RADIL: variants seen among roughly 807,000 people sequenced by gnomAD.
The protein encoded by RADIL is Rap associating with DIL domain.
In RADIL, 99 loss-of-function variants were observed where a neutral mutation model predicts 97.6. That is an observed-to-expected ratio of 1.01 (90% confidence interval 0.86 to 1.20). The LOEUF (loss-of-function observed/expected upper bound fraction) is 1.20. Ranked by LOEUF, RADIL falls within the 50% of genes most tolerant of loss-of-function variation. The pLI is 0.00. For missense variants in RADIL, 1,765 were observed against 1,498.9 expected (o/e 1.18, Z -2.93); for synonymous variants, 803 against 691.8 (o/e 1.16, Z -2.52).
Position 4,804,408 on chromosome 7 carries a change from G to A in RADIL, c.2291-654C>T, listed in dbSNP as rs117539383. 3.8e-4 allele frequency among the ~76,000 whole-genome samples: 58 copies of A among 152,350 alleles called. No homozygotes were observed. The East Asian group carries it at 0.011, about 28-fold the overall frequency. ...GCATCCAAGGCCCCATCGCCTCTGC[G>A]CCTCCCGCCATCCCGTACTCTGTTT... On this transcript the variant is annotated intron_variant, in intron 10 of 14. Coordinates refer to ENST00000399583, the MANE Select transcript of RADIL (RefSeq NM_018059.5).
Position 4,836,433 on chromosome 7 carries a change from G to A in RADIL, c.708C>T (p.Pro236=), listed in dbSNP as rs150209652. 0.02 allele frequency: 31,581 copies of A among 1,592,906 alleles called. 402 individuals are homozygous for A. The highest frequency in any genetic ancestry group is 0.03 in the Middle Eastern group (182 of 6,028). Residue 236 remains proline, a synonymous_variant, in exon 3 of 15, where the codon CCC becomes CCT. Transcript: ENST00000399583. ...LPAAAQGPEE[P]GPDAMRYSLY... is the part of the protein sequence containing the mutation. ...GCGAGTACCGCATGGCGTCGGGGCCGGGCTCCTCGGGGCCCTGGGCGGCAG... is the reference window on the plus strand; with the variant it reads ...GCGAGTACCGCATGGCGTCGGGGCCAGGCTCCTCGGGGCCCTGGGCGGCAG...
chr7:4,833,397 C>T (rs1484490403), intron 4 of RADIL, among the ~76,000 whole-genome samples: 2 of 152,192 alleles, frequency 1.3e-5, no homozygotes, highest in Admixed American at 1.3e-4. Flanking sequence ...ACACACACTA[C>T]AGGGACATCA....
intron 5 of RADIL, among the ~76,000 whole-genome samples, chr7:4,831,907 AAAG>A (rs1267462921): frequency 6.6e-6 from 1 of 151,644 alleles, no homozygotes; most frequent in African/African-American, 2.4e-5. Flanking sequence ...ACAAACAAAA[AAAG>A]AAGACCTCAC....
Position 4,801,918 on chromosome 7 carries a change from T to G in RADIL, c.2577A>C (p.Ala859=). The G allele has an allele frequency of 6.4e-7, 1 of 1,568,324 alleles. No individual in the cohort carries two copies. The highest frequency in any genetic ancestry group is 8.6e-7 in the Non-Finnish European group (1 of 1,158,798). The change falls in exon 12 of 15, where the codon GCA becomes GCC. Residue 859 remains alanine, a synonymous_variant. Transcript: ENST00000399583. ...TACGCTCCGGGGCCACTTCCCGGGC[T>G]GCTGGGCCAGGGTCCCTGGGAGCCA... ...CPLAPRDPGP[A]AREVAPERTL...
rs908102266 is a variant in RADIL at position 4,802,690 on chromosome 7, G to A, written c.2500-695C>T. ...GGGGCCCCCTCCCCGGGTACCTCGG[G>A]GCACGCTGGCTGGGTCCCCTCCCCA... On this transcript the variant is annotated intron_variant, in intron 11 of 14. Transcript: ENST00000399583. 6.1e-3 allele frequency among the ~76,000 whole-genome samples: 626 copies of A among 101,930 alleles called. 1 individual carries two copies. Among genetic ancestry groups the A allele is most frequent in the African/African-American group, 0.017 (384 of 23,050 alleles). 66.9% of individuals were successfully genotyped at this position (101,930 alleles called of 152,430 possible).
In RADIL at chr7:4,814,608, C is replaced by A. The variant is rs1008486372; in HGVS notation, c.2139+670G>T. On this transcript the variant is annotated intron_variant, in intron 9 of 14. Coordinates refer to ENST00000399583, the MANE Select transcript of RADIL (RefSeq NM_018059.5). The surrounding 1 kb of genome is among the most constrained non-coding windows in gnomAD (Gnocchi z 4.5). ...GCGAGGGAAGCAGGGAGGGGCATGTCGGTTTCCCATTGCCGTTGTGACAAA... is the reference window on the plus strand; with the variant it reads ...GCGAGGGAAGCAGGGAGGGGCATGTAGGTTTCCCATTGCCGTTGTGACAAA... Among the ~76,000 whole-genome samples, 10 of 152,112 alleles carry A rather than the reference C, an allele frequency of 6.6e-5. No individual in the cohort carries two copies. Among genetic ancestry groups the A allele is most frequent in the African/African-American group, 2.2e-4 (9 of 41,414 alleles).
At chr7:4,858,391 T>TA (rs1783887233) in intron 2 of RADIL, 1 of 152,294 alleles carries the variant, frequency 6.6e-6, no homozygotes, top group African/African-American at 2.4e-5. Context: ...TTCCTAATCA[T>TA]AGATGCTCTA....
intron 7 of RADIL, among the ~76,000 whole-genome samples, chr7:4,816,830 C>A (rs1782690869): frequency 6.6e-6 from 1 of 152,136 alleles, no homozygotes; most frequent in South Asian, 2.1e-4. Context: ...CTCACCGCAC[C>A]CCCGATGCAC....
Position 4,872,656 on chromosome 7 carries a change from G to C in RADIL, c.535+4949C>G, listed in dbSNP as rs1784281875. Among the ~76,000 whole-genome samples, 1 of 152,202 alleles carries C rather than the reference G, an allele frequency of 6.6e-6. No homozygotes were observed. The highest frequency in any genetic ancestry group is 1.5e-5 in the Non-Finnish European group (1 of 68,034). On this transcript the variant is annotated intron_variant, in intron 2 of 14. Transcript: ENST00000399583. The surrounding 1 kb of genome is among the most constrained non-coding windows in gnomAD (Gnocchi z 5.8). ...CCAGCACCAGCCTCCTCCTGGAAGA[G>C]ACCCTCTAGGTCTTGTGACTCTGGA...
chr7:4,811,739 G>A (rs879261064), intron 9 of RADIL, among the ~76,000 whole-genome samples: 12 of 151,948 alleles, frequency 7.9e-5, no homozygotes, highest in African/African-American at 2.2e-4. Context: ...CACCCAACTC[G>A]GCCTCCCAAA....
intron 2 of RADIL, chr7:4,860,739 C>G: frequency 6.2e-7 from 1 of 1,614,128 alleles, no homozygotes; most frequent in Non-Finnish European, 8.5e-7. Flanking sequence ...TTGGACCACT[C>G]TGCCTTACTT....
At position 4,850,216 on chromosome 7, in the gene RADIL, T is replaced by TAAAAAAAAA. The variant is rs34276261; in HGVS notation, c.536-13620_536-13612dup. ...ACCCACACTACACAGACGATCCCTTTAAAAAAAAAAAAAAAAAAAAAACCT... is the reference window on the plus strand; with the variant it reads ...ACCCACACTACACAGACGATCCCTTTAAAAAAAAAAAAAAAAAAAAAAAAAAAAAAACCT... On this transcript the variant is annotated intron_variant, in intron 2 of 14. Coordinates refer to ENST00000399583, the MANE Select transcript of RADIL (RefSeq NM_018059.5). Among the ~76,000 whole-genome samples, 540 of 87,832 alleles carry TAAAAAAAAA rather than the reference T, an allele frequency of 6.1e-3. 12 individuals are homozygous for TAAAAAAAAA. Among genetic ancestry groups the TAAAAAAAAA allele is most frequent in the Middle Eastern group, 0.018 (2 of 110 alleles). The allele number at this position is 87,832 out of a possible 152,430, so 57.6% of individuals were successfully genotyped here. A position where few individuals can be genotyped will look rare whatever the true frequency, so the allele number is the denominator to read the frequency against.
intron 2 of RADIL, among the ~76,000 whole-genome samples, chr7:4,875,332 G>A (rs1481715886): frequency 5.3e-5 from 8 of 151,972 alleles, no homozygotes; most frequent in Non-Finnish European, 1.0e-4. Flanking sequence ...GGCAGAGGTT[G>A]CAGTGAGCTG....
intron 8 of RADIL, 65 bp downstream of exon 8, chr7:4,816,163 C>T (rs1034099284): frequency 7.5e-6 from 11 of 1,474,732 alleles, no homozygotes; most frequent in South Asian, 6.2e-5. Flanking sequence ...GCGAGGGAGG[C>T]GCCAGCAGCC....
Position 4,836,407 on chromosome 7 carries a change from A to C in RADIL, c.734T>G (p.Leu245Arg), listed in dbSNP as rs781770025. 3 of 1,580,536 alleles carry C rather than the reference A, an allele frequency of 1.9e-6. No homozygotes were observed. Among genetic ancestry groups the C allele is most frequent in the Non-Finnish European group, 2.6e-6 (3 of 1,163,396 alleles). Reference sequence around the variant, plus strand: ...AAGGAGCAGATGCGGGGACTGGTACAGCGAGTACCGCATGGCGTCGGGGCC... The same window carrying C: ...AAGGAGCAGATGCGGGGACTGGTACCGCGAGTACCGCATGGCGTCGGGGCC... ...EPGPDAMRYS[L>R]YQSPHLLLLQ... Residue 245 changes from leucine (L) to arginine (R), a missense_variant, in exon 3 of 15, where the codon CTG (leucine) becomes CGG (arginine). By Grantham distance (102) the Leu-to-Arg change is moderately radical. Transcript: ENST00000399583.
At position 4,872,073 on chromosome 7, in the gene RADIL, G is replaced by C. The variant is rs2115046304; in HGVS notation, c.535+5532C>G. ...CAGCCCCTCCGAGAGTGGCCCAGGAGAAACAAATGTCGCCACTGTGGATCA... is the reference window on the plus strand; with the variant it reads ...CAGCCCCTCCGAGAGTGGCCCAGGACAAACAAATGTCGCCACTGTGGATCA... On this transcript the variant is annotated intron_variant, in intron 2 of 14. Transcript: ENST00000399583. The surrounding 1 kb of genome is among the most constrained non-coding windows in gnomAD (Gnocchi z 5.8). Among the ~76,000 whole-genome samples, 1 of 152,258 alleles carries C rather than the reference G, an allele frequency of 6.6e-6. No individual in the cohort carries two copies. The highest frequency in any genetic ancestry group is 2.4e-5 in the African/African-American group (1 of 41,580).
intron 9 of RADIL, among the ~76,000 whole-genome samples, chr7:4,812,156 C>T (rs1020602485): frequency 5.9e-5 from 9 of 152,208 alleles, no homozygotes; most frequent in Non-Finnish European, 8.8e-5. Context: ...GCTAGGATTA[C>T]AGGTGGGCGC....
In RADIL at chr7:4,877,674, T is replaced by A; in HGVS notation, c.466A>T (p.Arg156Trp). 1 of 1,614,004 alleles carries A rather than the reference T, an allele frequency of 6.2e-7. No homozygotes were observed. Among genetic ancestry groups the A allele is most frequent in the Non-Finnish European group, 8.5e-7 (1 of 1,179,964 alleles). Residue 156 changes from arginine (R) to tryptophan (W), a missense_variant, in exon 2 of 15, where the codon AGG becomes TGG. Transcript: ENST00000399583. ...LWKPREGLSR[R>W]FELRKRSDVE... is the part of the protein sequence containing the mutation. ...TCCGACCTCTTCCTCAGCTCAAACC[T>A]CCGGGATAAACCTTCTCGGGGTTTC...
At position 4,805,612 on chromosome 7, in the gene RADIL, GCT is replaced by G; in HGVS notation, c.2242_2243del (p.Ser748HisfsTer93). On this transcript the variant is annotated frameshift_variant, in exon 10 of 15. Transcript: ENST00000399583. LOFTEE classifies it high-confidence loss of function. ...TGTCCTGGGCCCCTGGCTCCCAGGT[GCT>G]CATGGGGCCCATGGCCGAGGCCAGC... is the stretch of plus-strand genomic sequence containing the variant. Reference protein sequence around the residue: ...YQLASAMGPMSTWEPGAQDSP... With the variant: ...YQLASAMGPMXTWEPGAQDSP... 1 of 1,611,772 alleles carries G rather than the reference GCT, an allele frequency of 6.2e-7. No homozygotes were observed.
Sources: gnomAD v4.1 joint callset for allele counts (sites outside exome capture counted in the v4.1 genomes callset) on GRCh38, gnomAD v4.1.1 for gene constraint, Gnocchi (gnomAD v3.1) non-coding constraint, MANE v1.5 for transcripts, NCBI Gene and HGNC (gene_info 2026-07-23, HGNC 2026-07-21) for gene names.